GRID1: variants seen among roughly 807,000 people sequenced by gnomAD.
GRID1 encodes the protein glutamate receptor ionotropic, delta-1.
In GRID1, 28 loss-of-function variants were observed where a neutral mutation model predicts 98.0. That is an observed-to-expected ratio of 0.29 (90% CI 0.21 to 0.39). The LOEUF (loss-of-function observed/expected upper bound fraction) is 0.39. Ranked by LOEUF, GRID1 falls within the 10% of genes least tolerant of loss-of-function variation. The probability of loss-of-function intolerance (pLI) is 1.00; values close to 1 mark genes in which losing one functional copy is unlikely to be tolerated. For missense variants in GRID1, 1,111 were observed against 1,340.5 expected, an observed-to-expected ratio of 0.83 and a Z score of 2.67; for synonymous variants, 553 against 538.5, an observed-to-expected ratio of 1.03 and a Z score of -0.37.
At chr10:85,734,820 G>A (rs776348051) in intron 8 of GRID1, among the ~76,000 whole-genome samples, 1 of 152,070 alleles carries the variant, frequency 6.6e-6, no homozygotes, top group South Asian at 2.1e-4. Flanking sequence ...AAAATATAAG[G>A]CCAGAACATA....
At chr10:86,282,977 G>A (rs1048215423) in intron 2 of GRID1, among the ~76,000 whole-genome samples, 3 of 152,100 alleles carry the variant, frequency 2.0e-5, no homozygotes, top group Non-Finnish European at 2.9e-5. Context: ...TTCACAGTCA[G>A]GGCCAGGCCT....
chr10:85,894,159 G>T (rs1841244899), intron 5 of GRID1, among the ~76,000 whole-genome samples: 1 of 152,028 alleles, frequency 6.6e-6, no homozygotes, highest in South Asian at 2.1e-4. Context: ...GAAAGTCCAA[G>T]AATAGATACA....
At chr10:85,961,056 G>T (rs1842259853) in intron 4 of GRID1, among the ~76,000 whole-genome samples, 2 of 152,034 alleles carry the variant, frequency 1.3e-5, no homozygotes. Flanking sequence ...GCCAGTCTCA[G>T]GAGTCTCAGA....
At chr10:86,184,558 C>T (rs776977849) in intron 3 of GRID1, among the ~76,000 whole-genome samples, 9 of 150,682 alleles carry the variant, frequency 6.0e-5, no homozygotes, top group Non-Finnish European at 1.0e-4. Flanking sequence ...CCTTTGCAAC[C>T]CTGTTGAAAT....
chr10:86,190,299 G>A (rs1184477317), intron 3 of GRID1, among the ~76,000 whole-genome samples: 1 of 152,178 alleles, frequency 6.6e-6, no homozygotes, highest in African/African-American at 2.4e-5. Flanking sequence ...CTGAAGTGCT[G>A]TGACCAAACA....
At chr10:86,113,760 A>G (rs1471622872) in intron 4 of GRID1, among the ~76,000 whole-genome samples, 2 of 152,178 alleles carry the variant, frequency 1.3e-5, no homozygotes, top group Non-Finnish European at 2.9e-5. Context: ...GGGCTCATCA[A>G]GAAGACCACA....
At chr10:85,742,008 A>G (rs12098525) in intron 8 of GRID1, among the ~76,000 whole-genome samples, 30,801 of 152,088 alleles carry the variant, frequency 0.2, 3,396 homozygotes, top group Middle Eastern at 0.28. Context: ...AGGCCTTCTC[A>G]GGTTCAATCT....
chr10:86,027,109 A>T (rs1843126201), intron 4 of GRID1, among the ~76,000 whole-genome samples: 2 of 152,228 alleles, frequency 1.3e-5, no homozygotes, highest in South Asian at 4.1e-4. Flanking sequence ...TAATTGTGGG[A>T]AAATATACAT....
At chr10:85,715,446 C>T (rs1841627832) in intron 12 of GRID1, among the ~76,000 whole-genome samples, 2 of 152,106 alleles carry the variant, frequency 1.3e-5, no homozygotes, top group East Asian at 3.9e-4. Flanking sequence ...AGACAACTTG[C>T]AAAATGACAG....
intron 3 of GRID1, among the ~76,000 whole-genome samples, chr10:86,194,797 C>T (rs1191953050): frequency 6.6e-6 from 1 of 152,016 alleles, no homozygotes; most frequent in East Asian, 1.9e-4. Flanking sequence ...CCCAACAGGA[C>T]TGCACTCGGC....
At chr10:85,701,166 T>C (rs1033735753) in intron 12 of GRID1, among the ~76,000 whole-genome samples, 11 of 152,108 alleles carry the variant, frequency 7.2e-5, no homozygotes, top group African/African-American at 2.7e-4. Flanking sequence ...GATACAGCAA[T>C]GGGAGATTCA....
intron 4 of GRID1, among the ~76,000 whole-genome samples, chr10:86,033,277 T>C (rs1843211643): frequency 6.6e-6 from 1 of 152,120 alleles, no homozygotes; most frequent in African/African-American, 2.4e-5. Context: ...TTGCCCATGA[T>C]CTAATTATCA....
At chr10:86,059,684 C>T (rs184921317) in intron 4 of GRID1, among the ~76,000 whole-genome samples, 9 of 152,290 alleles carry the variant, frequency 5.9e-5, no homozygotes, top group African/African-American at 2.2e-4. Flanking sequence ...GTTTTGGATG[C>T]TCATAAGAGT....
In GRID1 at chr10:86,058,606, G is replaced by A. The variant is rs532724869; in HGVS notation, c.726+80213C>T. Among the ~76,000 whole-genome samples, 81 of 152,312 alleles carry A rather than the reference G, an allele frequency of 5.3e-4. 1 individual carries two copies. The highest frequency in any genetic ancestry group is 1.9e-3 in the African/African-American group (81 of 41,564). ...TTCATTTCCTGAGCCCATCAGATCT[G>A]TGCAAAATGACAGAAACTGACATCT... On this transcript the variant is annotated intron_variant, in intron 4 of 15. Transcript: ENST00000327946.
intron 2 of GRID1, among the ~76,000 whole-genome samples, chr10:86,257,542 C>T (rs1846941759): frequency 6.6e-6 from 1 of 152,152 alleles, no homozygotes; most frequent in African/African-American, 2.4e-5. Context: ...TTAATATAAG[C>T]CAACAGACTG....
intron 4 of GRID1, among the ~76,000 whole-genome samples, chr10:85,958,264 CA>C (rs1221794823): frequency 1.3e-5 from 2 of 152,200 alleles, no homozygotes; most frequent in Non-Finnish European, 2.9e-5. Context: ...ATAGGAATGC[CA>C]GGGGTAAGTC....
rs535040757 is a variant in GRID1 at position 85,845,412 on chromosome 10, T to A, written c.1233+9084A>T. Among the ~76,000 whole-genome samples, 9 of 152,294 alleles carry A rather than the reference T, an allele frequency of 5.9e-5. 1 individual carries two copies. The South Asian group carries it at 1.7e-3, about 28-fold the overall frequency. ...TTACTGAGAGAAATTGAAGAAGCCA[T>A]AAATAAATTGAGGGGTATACTATAT... On this transcript the variant is annotated intron_variant, in intron 8 of 15. Coordinates refer to ENST00000327946, the MANE Select transcript of GRID1 (RefSeq NM_017551.3).
intron 12 of GRID1, among the ~76,000 whole-genome samples, chr10:85,662,169 G>C (rs955258258): frequency 6.6e-6 from 1 of 152,190 alleles, no homozygotes; most frequent in African/African-American, 2.4e-5. Flanking sequence ...TGATTTGTTT[G>C]AGTGGATGAA....
intron 4 of GRID1, among the ~76,000 whole-genome samples, chr10:86,075,223 C>T (rs552018434): frequency 1.4e-5 from 2 of 145,242 alleles, no homozygotes; most frequent in African/African-American, 2.6e-5. Context: ...CCAGTACCTG[C>T]GAATTTGGCC....
Sources: allele counts gnomAD v4.1 joint callset (sites outside exome capture counted in the v4.1 genomes callset), GRCh38; gene constraint gnomAD v4.1.1; transcripts MANE v1.5; gene names NCBI Gene and HGNC (gene_info 2026-07-23, HGNC 2026-07-21).